Variants in HSPA14 observed in about 807,000 individuals in gnomAD.
HSPA14 encodes the protein heat shock 70 kDa protein 14.
HSPA14 carries 37 observed loss-of-function variants against 65.5 expected under a neutral mutation model. The ratio of observed to expected loss-of-function variants is 0.56; its 90% CI spans 0.43 to 0.74. The LOEUF is 0.74. HSPA14 is among the 30% of genes least tolerant of loss of function. The pLI is 0.00. For missense variants in HSPA14, 564 were observed against 607.6 expected (o/e 0.93, Z 0.75); for synonymous variants, 203 against 214.2 (o/e 0.95, Z 0.46).
Position 14,848,666 on chromosome 10 carries a change from G to GGTTCT in HSPA14, c.270+13_270+17dup. On this transcript the variant is annotated intron_variant, in intron 4 of 13. Coordinates refer to ENST00000378372, the MANE Select transcript of HSPA14 (RefSeq NM_016299.4). ...CGGAAAGTAAATGTTTAGTGAGTAT[G>GGTTCT]GTTCTGTTATTGCTTCCCTGTTACA... The GGTTCT allele has an allele frequency of 6.2e-7, 1 of 1,605,388 alleles. No individual in the cohort carries two copies. The highest frequency in any genetic ancestry group is 8.5e-7 in the Non-Finnish European group (1 of 1,173,416).
At chr10:14,844,963 T>A in intron 3 of HSPA14, 1 of 985,466 alleles carries the variant, frequency 1.0e-6, no homozygotes, top group Non-Finnish European at 1.2e-6. Context: ...TCCTCAGATG[T>A]TGTAGACAGA....
intron 7 of HSPA14, among the ~76,000 whole-genome samples, chr10:14,851,978 TA>T: frequency 6.6e-6 from 1 of 152,220 alleles, no homozygotes; most frequent in East Asian, 1.9e-4. Flanking sequence ...AATTAGCTCC[TA>T]ATTTTGCATA....
intron 5 of HSPA14, chr10:14,849,306 C>G: frequency 2.4e-6 from 1 of 424,178 alleles, no homozygotes; most frequent in Non-Finnish European, 4.7e-6. Context: ...TTGGGAAATT[C>G]TGGAATAGAT....
chr10:14,860,078 G>T (rs1832738865), intron 10 of HSPA14, among the ~76,000 whole-genome samples: 1 of 152,094 alleles, frequency 6.6e-6, no homozygotes, highest in South Asian at 2.1e-4. Flanking sequence ...AGTGCTATGG[G>T]ATTATTGCTC....
At chr10:14,864,501 G>T (rs1467588417) in intron 10 of HSPA14, among the ~76,000 whole-genome samples, 1 of 151,230 alleles carries the variant, frequency 6.6e-6, no homozygotes. Context: ...CCCACAACAG[G>T]CCCCGGTGTG....
In HSPA14 at chr10:14,839,757, G is replaced by A. The variant is rs552874672; in HGVS notation, c.58-148G>A. The A allele has an allele frequency of 1.3e-4, 58 of 461,338 alleles. No individual in the cohort carries two copies. In the Admixed American group the frequency reaches 1.4e-3, roughly 11 times the overall value. The allele number at this position is 461,338 out of a possible 1,614,324, so 28.6% of individuals were successfully genotyped here. A position where few individuals can be genotyped will look rare whatever the true frequency, so the allele number is the denominator to read the frequency against. On this transcript the variant is annotated intron_variant, in intron 1 of 13. Coordinates refer to ENST00000378372, the MANE Select transcript of HSPA14 (RefSeq NM_016299.4). The stretch of plus-strand genomic sequence containing the variant: ...AATTATAGGCTTTCTATGAAAACGA[G>A]GAAATTAAATGGTAATTAAATTTGC...
chr10:14,852,180 T>A (rs78383693), intron 7 of HSPA14, among the ~76,000 whole-genome samples, 190 bp from the exon 8 acceptor site: 2 of 152,342 alleles, frequency 1.3e-5, no homozygotes, highest in East Asian at 3.9e-4. Flanking sequence ...AAAAGAACTT[T>A]GATTTGGTTG....
chr10:14,838,685 C>T, intron 1 of HSPA14: 1 of 503,232 alleles, frequency 2.0e-6, no homozygotes, highest in Non-Finnish European at 3.5e-6. Context: ...GCGATGTAGA[C>T]GCGCGGGGTC....
At chr10:14,839,762 T>C (rs1833947335) in intron 1 of HSPA14, 143 bp from the exon 2 acceptor site, 1 of 476,700 alleles carries the variant, frequency 2.1e-6, no homozygotes, top group Non-Finnish European at 3.9e-6. Flanking sequence ...AACGAGGAAA[T>C]TAAATGGTAA....
chr10:14,864,601 G>GAT (rs1832788892), intron 10 of HSPA14, among the ~76,000 whole-genome samples: 1 of 151,942 alleles, frequency 6.6e-6, no homozygotes, highest in African/African-American at 2.4e-5. Context: ...TTGTCCTTGC[G>GAT]ATAGTTTGCT....
chr10:14,843,442 A>G, intron 3 of HSPA14: 1 of 1,550,760 alleles, frequency 6.4e-7, no homozygotes, highest in Non-Finnish European at 8.7e-7. Context: ...TCCCTGTCAG[A>G]GCAGCCCCAT....
chr10:14,844,868 CT>C (rs1210893034), intron 3 of HSPA14: 8 of 985,214 alleles, frequency 8.1e-6, no homozygotes, highest in African/African-American at 1.7e-5. Flanking sequence ...TGATTTCATT[CT>C]TTTCTGTTAT....
chr10:14,843,421 G>A, intron 3 of HSPA14: 4 of 1,550,872 alleles, frequency 2.6e-6, no homozygotes, highest in African/African-American at 1.4e-5. Flanking sequence ...CCTTTTCAGA[G>A]GTGCAGTTGC....
At position 14,842,252 on chromosome 10, in the gene HSPA14, C is replaced by T. The variant is rs1206148446; in HGVS notation, c.221+2095C>T. On this transcript the variant is annotated intron_variant, in intron 3 of 13. Coordinates refer to ENST00000378372, the MANE Select transcript of HSPA14 (RefSeq NM_016299.4). The surrounding 1 kb of genome is among the most constrained non-coding windows in gnomAD (Gnocchi z 5.2). ...ACCTTCAGACTTGCACCTTGCTGTC[C>T]AGAAGCTGCCTAGCCCTCCTTTCCA... The T allele has an allele frequency of 6.5e-7, 1 of 1,535,224 alleles. No individual in the cohort carries two copies. Among genetic ancestry groups the T allele is most frequent in the African/African-American group, 1.4e-5 (1 of 73,162 alleles).
chr10:14,846,648 T>C (rs1386869241), intron 3 of HSPA14: 1 of 945,398 alleles, frequency 1.1e-6, no homozygotes, highest in Non-Finnish European at 1.3e-6. Context: ...GGGAAACTCA[T>C]AATTGTCCTA....
intron 3 of HSPA14, chr10:14,844,186 G>T: frequency 8.3e-7 from 1 of 1,209,966 alleles, no homozygotes; most frequent in Non-Finnish European, 1.0e-6. Context: ...TCCCTCCAGT[G>T]GTTTCCTCAT....
intron 3 of HSPA14, chr10:14,846,919 T>G (rs1015339223): frequency 1.6e-5 from 16 of 985,310 alleles, no homozygotes; most frequent in Non-Finnish European, 1.8e-5. Flanking sequence ...AATAAGGTGC[T>G]ATGTATACCA....
intron 1 of HSPA14, among the ~76,000 whole-genome samples, chr10:14,839,609 A>C (rs1833944453): frequency 6.6e-6 from 1 of 151,720 alleles, no homozygotes; most frequent in African/African-American, 2.4e-5. Context: ...GGTAAGAAGG[A>C]AGAGAGGTAG....
At chr10:14,868,501 TCACACA>T (rs112132864) in intron 12 of HSPA14, among the ~76,000 whole-genome samples, 4 of 147,400 alleles carry the variant, frequency 2.7e-5, no homozygotes, top group East Asian at 2.0e-4. Context: ...GCAGTTGCAT[TCACACA>T]CACACACACA....
Sources: allele counts gnomAD v4.1 joint callset (sites outside exome capture counted in the v4.1 genomes callset), GRCh38; gene constraint gnomAD v4.1.1; non-coding constraint Gnocchi (gnomAD v3.1); transcripts MANE v1.5; gene names NCBI Gene and HGNC (gene_info 2026-07-23, HGNC 2026-07-21).